The following ZNF516 variants were observed in gnomAD, a reference collection of about 807,000 sequenced individuals.
The protein encoded by ZNF516 is zinc finger protein 516.
ZNF516 carries 19 observed loss-of-function variants against 79.7 expected under a neutral mutation model. The observed-to-expected ratio is 0.24, with a 90% CI of 0.17 to 0.35. ZNF516 has a LOEUF of 0.35. Among genes scored for constraint, ZNF516 ranks in the 10% least tolerant of loss-of-function variants. The pLI, the probability that ZNF516 is intolerant of heterozygous loss-of-function variation, is 1.00. For missense variants in ZNF516, 1,678 were observed against 1,679.5 expected (o/e 1.00, Z 0.02); for synonymous variants, 877 against 739.5 (o/e 1.19, Z -3.02).
intron 1 of ZNF516, chr18:76,491,027 A>C (rs1159944519): frequency 1.0e-6 from 1 of 984,504 alleles, no homozygotes; most frequent in Non-Finnish European, 1.2e-6. Context: ...GCCAACTCCC[A>C]CCCCAAATCC....
rs771908592 is a variant in ZNF516 at position 76,379,323 on chromosome 18, G to C, written c.2791C>G (p.Pro931Ala). 1 of 1,599,404 alleles carries C rather than the reference G, an allele frequency of 6.3e-7. No homozygotes were observed. Among genetic ancestry groups the C allele is most frequent in the Admixed American group, 1.7e-5 (1 of 58,562 alleles). ...GGGGFSRSAT[P>A]TPTVIARAGA... is the part of the protein sequence containing the mutation. Reference sequence around the variant, plus strand: ...GCCCGGGCGATGACGGTGGGCGTAGGGGTGGCGCTCCTGCTGAAGCCCCCG... The same window carrying C: ...GCCCGGGCGATGACGGTGGGCGTAGCGGTGGCGCTCCTGCTGAAGCCCCCG... Residue 931 changes from proline (P) to alanine (A), a missense_variant, in exon 4 of 7, where the codon CCT (proline) becomes GCT (alanine). By Grantham distance (27) the Pro-to-Ala change is conservative. This residue lies in a region of ZNF516 where 1,294 missense variants were observed against 1,248.3 expected (regional missense o/e 1.04). Coordinates refer to ENST00000443185, the MANE Select transcript of ZNF516 (RefSeq NM_014643.4).
chr18:76,415,455 A>G (rs551168603), intron 3 of ZNF516, among the ~76,000 whole-genome samples: 1 of 152,316 alleles, frequency 6.6e-6, no homozygotes, highest in Admixed American at 6.5e-5. Flanking sequence ...CCTCTGAGCC[A>G]TCGCCTTAGA....
intron 1 of ZNF516, among the ~76,000 whole-genome samples, chr18:76,481,831 A>G (rs1914539833): frequency 6.6e-6 from 1 of 152,200 alleles, no homozygotes; most frequent in Non-Finnish European, 1.5e-5. Flanking sequence ...ATGAAAATAA[A>G]ATTTCTATTA....
At chr18:76,496,251 G>A (rs1014592327), upstream of ZNF516, 3 of 1,270,090 alleles carry the variant, frequency 2.4e-6, no homozygotes, top group Admixed American at 4.7e-5. Context: ...GCGGCCTGCG[G>A]AGGGGTAACA....
At chr18:76,489,558 C>T (rs1306275463) in intron 1 of ZNF516, among the ~76,000 whole-genome samples, 1 of 121,222 alleles carries the variant, frequency 8.2e-6, no homozygotes, top group Admixed American at 9.6e-5. Context: ...TCCCTTCAGT[C>T]AATTTTGGTC....
chr18:76,358,910 C>T lies in ZNF516; in HGVS notation c.*3588G>A, dbSNP rs2074493425. 6.6e-6 allele frequency: 1 copy of T among 152,296 alleles called. No homozygotes were observed. 9.4% of individuals were successfully genotyped at this position (152,296 alleles called of 1,614,324 possible). A position where few individuals can be genotyped will look rare whatever the true frequency, so the allele number is the denominator to read the frequency against. ...GCATCCCTACTGACCCTGTAACCTA[C>T]ACCCTCTCTGTCCAAAGAACAGAGG... On this transcript the variant is annotated 3_prime_UTR_variant, in exon 7 of 7. Coordinates refer to ENST00000443185, the MANE Select transcript of ZNF516 (RefSeq NM_014643.4).
rs74565534 is a variant in ZNF516, at chr18:76,377,715, A to T, written c.3259+1140T>A. On this transcript the variant is annotated intron_variant, in intron 4 of 6. Coordinates refer to ENST00000443185, the MANE Select transcript of ZNF516 (RefSeq NM_014643.4). ...TAAGAAACCACAGGCTTACAACGTT[A>T]TTTTTTTTTTTTTTTTTTGAGATGG... Among the ~76,000 whole-genome samples the T allele has an allele frequency of 5.5e-4, 74 of 133,610 alleles. 1 individual carries two copies. The highest frequency in any genetic ancestry group is 4.1e-3 in the Middle Eastern group (1 of 244). 87.7% of individuals were successfully genotyped at this position (133,610 alleles called of 152,430 possible). A position where few individuals can be genotyped will look rare whatever the true frequency, so the allele number is the denominator to read the frequency against.
At chr18:76,391,426 C>T (rs746992576) in intron 3 of ZNF516, among the ~76,000 whole-genome samples, 2 of 152,132 alleles carry the variant, frequency 1.3e-5, no homozygotes, top group Admixed American at 6.5e-5. Flanking sequence ...TAACCACTAA[C>T]TCTAACACTA....
At chr18:76,380,433 G>A (rs946494287) in intron 3 of ZNF516, 130 bp from the exon 4 acceptor site, 3 of 1,268,148 alleles carry the variant, frequency 2.4e-6, no homozygotes, top group Non-Finnish European at 3.2e-6. Context: ...CTTGAGTCTG[G>A]GTGGCTCTTA....
At chr18:76,452,034 G>C (rs1599113380) in intron 2 of ZNF516, among the ~76,000 whole-genome samples, 1 of 152,150 alleles carries the variant, frequency 6.6e-6, no homozygotes, top group South Asian at 2.1e-4. Flanking sequence ...AATCCATTAT[G>C]AACCAGCTAC....
chr18:76,364,582 T>C (rs1009326737), intron 6 of ZNF516, among the ~76,000 whole-genome samples: 4 of 152,226 alleles, frequency 2.6e-5, no homozygotes, highest in Admixed American at 6.5e-5. Context: ...GGGATGGATA[T>C]TGACTACTGG....
At chr18:76,410,211 G>A (rs2145294445) in intron 3 of ZNF516, among the ~76,000 whole-genome samples, 1 of 152,354 alleles carries the variant, frequency 6.6e-6, no homozygotes. Flanking sequence ...TGGCTGGCAA[G>A]GACAGGGAAG....
At chr18:76,472,502 CAT>C (rs1913905745) in intron 1 of ZNF516, among the ~76,000 whole-genome samples, 3 of 152,274 alleles carry the variant, frequency 2.0e-5, no homozygotes, top group Admixed American at 1.3e-4. Flanking sequence ...CACTTACACA[CAT>C]ATGCACTTGC....
intron 3 of ZNF516, among the ~76,000 whole-genome samples, chr18:76,437,981 A>G (rs1277511499): frequency 6.6e-6 from 1 of 152,216 alleles, no homozygotes; most frequent in Admixed American, 6.5e-5. Context: ...GGTGGGTTCA[A>G]CAGGATGGAG....
intron 3 of ZNF516, among the ~76,000 whole-genome samples, chr18:76,391,159 G>T (rs2075067810): frequency 6.6e-6 from 1 of 152,176 alleles, no homozygotes; most frequent in African/African-American, 2.4e-5. Context: ...AAAGAAAAGA[G>T]AAAATGATAT....
Position 76,379,527 on chromosome 18 carries a change from T to C in ZNF516, c.2587A>G (p.Met863Val), listed in dbSNP as rs1270548293. 3.7e-6 allele frequency: 6 copies of C among 1,613,628 alleles called. No individual in the cohort carries two copies. The highest frequency in any genetic ancestry group is 1.1e-5 in the South Asian group (1 of 91,092). ...GAATGGCTCTCCTTATTCTTAGGCA[T>C]GCTAGCGGCTTTTGTGACCACTCCC... ...PLGVVTKAASMPKNKESHSGG... is the reference protein window; with the variant it reads ...PLGVVTKAASVPKNKESHSGG... The change falls in exon 4 of 7, where the codon ATG (methionine) becomes GTG (valine). Residue 863 changes from methionine (M) to valine (V), a missense_variant. By Grantham distance (21) the Met-to-Val change is conservative. Around this residue, in one of 5 missense-constraint regions of ZNF516, gnomAD observed 1,294 missense variants for 1,248.3 expected, o/e 1.04. Coordinates refer to ENST00000443185, the MANE Select transcript of ZNF516 (RefSeq NM_014643.4).
At position 76,473,903 on chromosome 18, in the gene ZNF516, T is replaced by TGTGTGTGGGG. The variant is rs58634236; in HGVS notation, c.-271-10763_-271-10762insCCCCACACAC. 1.1e-3 allele frequency among the ~76,000 whole-genome samples: 58 copies of TGTGTGTGGGG among 54,182 alleles called. 3 individuals are homozygous for TGTGTGTGGGG. The highest frequency in any genetic ancestry group is 1.4e-3 in the Admixed American group (6 of 4,228). The allele number at this position is 54,182 out of a possible 152,430, so 35.5% of individuals were successfully genotyped here. A position where few individuals can be genotyped will look rare whatever the true frequency, so the allele number is the denominator to read the frequency against. On this transcript the variant is annotated intron_variant, in intron 1 of 6. Coordinates refer to ENST00000443185, the MANE Select transcript of ZNF516 (RefSeq NM_014643.4). ...CACTGGGTTGTTGGTTGTTTTTGTG[T>TGTGTGTGGGG]GGGGGGGGGGGGGGCTTTCTTTTTG...
In ZNF516 at chr18:76,447,867, A is replaced by C. The variant is rs527369577; in HGVS notation, c.-157-4656T>G. Among the ~76,000 whole-genome samples, 2 of 152,184 alleles carry C rather than the reference A, an allele frequency of 1.3e-5. 1 individual carries two copies. The highest frequency in any genetic ancestry group is 4.8e-5 in the African/African-American group (2 of 41,514). ...GGGTTTTAAAGCAGATTTCCAATGGATCTCTTGCTGTATGTGAGTGTGTGT... is the reference window on the plus strand; with the variant it reads ...GGGTTTTAAAGCAGATTTCCAATGGCTCTCTTGCTGTATGTGAGTGTGTGT... On this transcript the variant is annotated intron_variant, in intron 2 of 6. Transcript: ENST00000443185.
intron 1 of ZNF516, among the ~76,000 whole-genome samples, chr18:76,478,043 A>C (rs1349028712): frequency 6.6e-6 from 1 of 150,988 alleles, no homozygotes; most frequent in Non-Finnish European, 1.5e-5. Context: ...CCACGAATGG[A>C]TCTCCTAAGT....
Sources: gnomAD v4.1 joint callset for allele counts (sites outside exome capture counted in the v4.1 genomes callset) on GRCh38, gnomAD v4.1.1 for gene constraint, gnomAD v4.1.1 regional missense constraint, MANE v1.5 for transcripts, NCBI Gene and HGNC (gene_info 2026-07-23, HGNC 2026-07-21) for gene names.